CSMD1: variants seen among roughly 807,000 people sequenced by gnomAD.
CSMD1 encodes the protein CUB and sushi domain-containing protein 1.
In CSMD1, 213 loss-of-function variants were observed where a neutral mutation model predicts 417.5. The observed-to-expected ratio is 0.51, with a 90% CI of 0.46 to 0.57. The LOEUF is 0.57. CSMD1 is among the 20% of genes least tolerant of loss of function. The pLI is 0.00. For synonymous variants in CSMD1, 2,862 were observed against 1,736.8 expected, an observed-to-expected ratio of 1.65 and a Z score of -16.11; for missense variants, 6,923 against 4,529.7, an observed-to-expected ratio of 1.53 and a Z score of -15.17.
At chr8:3,811,388 G>C (rs981210775) in intron 5 of CSMD1, among the ~76,000 whole-genome samples, 2 of 152,106 alleles carry the variant, frequency 1.3e-5, no homozygotes, top group Admixed American at 6.5e-5. Flanking sequence ...TACTTGTTCT[G>C]ATCTATAGAC....
chr8:3,049,400 C>A (rs1811665619), intron 50 of CSMD1, among the ~76,000 whole-genome samples: 1 of 151,986 alleles, frequency 6.6e-6, no homozygotes, highest in South Asian at 2.1e-4. Flanking sequence ...TTGTTCAGTA[C>A]TAAAAAGAAA....
chr8:3,270,673 A>C (rs1368532905), intron 26 of CSMD1, among the ~76,000 whole-genome samples: 1 of 152,186 alleles, frequency 6.6e-6, no homozygotes, highest in Non-Finnish European at 1.5e-5. Flanking sequence ...AGTACTTCTG[A>C]TAATAAACAT....
chr8:3,506,621 A>T (rs529720288), intron 10 of CSMD1, among the ~76,000 whole-genome samples: 2 of 152,296 alleles, frequency 1.3e-5, no homozygotes, highest in East Asian at 3.9e-4. Flanking sequence ...AAGCATGCTA[A>T]TATTTTTCTT....
At chr8:4,722,814 C>T (rs1190642554) in intron 1 of CSMD1, among the ~76,000 whole-genome samples, 1 of 152,136 alleles carries the variant, frequency 6.6e-6, no homozygotes, top group Non-Finnish European at 1.5e-5. Context: ...TCTTCTACCT[C>T]TTAACAAAGT....
chr8:4,044,251 T>C (rs1031854924), intron 3 of CSMD1, among the ~76,000 whole-genome samples: 2 of 152,188 alleles, frequency 1.3e-5, no homozygotes, highest in African/African-American at 4.8e-5. Context: ...CATACTTCCT[T>C]ATTGCAAATT....
At chr8:3,345,442 G>A (rs1229781926) in intron 22 of CSMD1, among the ~76,000 whole-genome samples, 1 of 151,980 alleles carries the variant, frequency 6.6e-6, no homozygotes, top group East Asian at 1.9e-4. Context: ...ACACTCCCCT[G>A]TCAGTTCTCT....
chr8:3,316,261 G>C (rs1164060654), intron 23 of CSMD1, among the ~76,000 whole-genome samples: 6 of 152,114 alleles, frequency 3.9e-5, no homozygotes, highest in Admixed American at 3.9e-4. Flanking sequence ...CATGTGCCCT[G>C]TGCCCCATGA....
chr8:4,888,687 G>T (rs1199648698), intron 1 of CSMD1, among the ~76,000 whole-genome samples: 1 of 152,102 alleles, frequency 6.6e-6, no homozygotes, highest in Admixed American at 6.5e-5. Context: ...AGGGGTCCTT[G>T]AGGTAATGAC....
At chr8:3,845,207 T>C (rs1316252588) in intron 5 of CSMD1, among the ~76,000 whole-genome samples, 5 of 152,234 alleles carry the variant, frequency 3.3e-5, no homozygotes, top group Admixed American at 3.3e-4. Context: ...AGTGCAACTA[T>C]GCATCTCCTA....
At chr8:3,097,976 T>C (rs1196712885) in intron 46 of CSMD1, among the ~76,000 whole-genome samples, 2 of 152,158 alleles carry the variant, frequency 1.3e-5, no homozygotes, top group Non-Finnish European at 2.9e-5. Flanking sequence ...TTTTGAAAAA[T>C]TATTATTCAA....
chr8:3,508,719 T>C (rs1381962017), intron 10 of CSMD1, among the ~76,000 whole-genome samples: 1 of 152,096 alleles, frequency 6.6e-6, no homozygotes, highest in African/African-American at 2.4e-5. Flanking sequence ...CATGAATATT[T>C]TAAAATTTAA....
intron 5 of CSMD1, among the ~76,000 whole-genome samples, chr8:3,833,247 T>C (rs1238433313): frequency 1.3e-5 from 2 of 152,174 alleles, no homozygotes; most frequent in African/African-American, 2.4e-5. Flanking sequence ...ATATTACACA[T>C]GTTGATAATA....
chr8:2,998,224 C>A lies in CSMD1; in HGVS notation c.8204-40G>T, dbSNP rs754336278. ...GTCAACGTCATTGTTAAATATTGAA[C>A]AGGTCATCACTTTCCCTTGGGATTA... is the stretch of plus-strand genomic sequence containing the variant. On this transcript the variant is annotated intron_variant, in intron 53 of 69. Coordinates refer to ENST00000635120, the MANE Select transcript of CSMD1 (RefSeq NM_033225.6). 3.8e-6 allele frequency: 6 copies of A among 1,587,954 alleles called. No homozygotes were observed. In the Admixed American group the frequency reaches 1.0e-4, roughly 27 times the overall value.
intron 23 of CSMD1, among the ~76,000 whole-genome samples, chr8:3,340,207 C>A (rs1807556921): frequency 6.6e-6 from 1 of 152,136 alleles, no homozygotes; most frequent in Non-Finnish European, 1.5e-5. Flanking sequence ...TCCCTGTGTG[C>A]AGCAAATTAC....
At chr8:3,844,853 T>C (rs1803388765) in intron 5 of CSMD1, among the ~76,000 whole-genome samples, 1 of 152,154 alleles carries the variant, frequency 6.6e-6, no homozygotes, top group Non-Finnish European at 1.5e-5. Flanking sequence ...GGGAAAAATG[T>C]CTCTTAAAAT....
chr8:4,182,123 C>A (rs909858474), intron 3 of CSMD1, among the ~76,000 whole-genome samples: 1 of 151,418 alleles, frequency 6.6e-6, no homozygotes, highest in Non-Finnish European at 1.5e-5. Context: ...CTTAAACACA[C>A]CAAAAGAAGA....
intron 1 of CSMD1, among the ~76,000 whole-genome samples, chr8:4,883,693 G>A (rs2116967658): frequency 6.6e-6 from 1 of 151,980 alleles, no homozygotes; most frequent in Non-Finnish European, 1.5e-5. Flanking sequence ...CCAATTGTAT[G>A]GCCATACCAT....
chr8:3,297,306 G>A (rs1202095579), intron 25 of CSMD1, among the ~76,000 whole-genome samples: 1 of 152,110 alleles, frequency 6.6e-6, no homozygotes, highest in Admixed American at 6.5e-5. Context: ...AATTTCTTTT[G>A]TAAAAAATTA....
chr8:4,356,600 G>A (rs1166158831), intron 3 of CSMD1, among the ~76,000 whole-genome samples: 1 of 152,114 alleles, frequency 6.6e-6, no homozygotes, highest in African/African-American at 2.4e-5. Flanking sequence ...TATCCTGTAA[G>A]CATCTTGGCT....
Sources: gnomAD v4.1 joint callset for allele counts (sites outside exome capture counted in the v4.1 genomes callset) on GRCh38, gnomAD v4.1.1 for gene constraint, MANE v1.5 for transcripts, NCBI Gene and HGNC (gene_info 2026-07-23, HGNC 2026-07-21) for gene names.